FBN3: variants seen among roughly 807,000 people sequenced by gnomAD.
The protein encoded by FBN3 is fibrillin 3.
A neutral mutation model predicts 330.1 loss-of-function variants in FBN3; 234 were observed. That is an observed-to-expected ratio of 0.71 (90% CI 0.64 to 0.79). The LOEUF (loss-of-function observed/expected upper bound fraction) is 0.79, where lower values mean the gene tolerates loss of function less well. FBN3 is among the 30% of genes least tolerant of loss of function. The pLI is 0.00. For synonymous variants in FBN3, 1,458 were observed against 1,517.3 expected, an observed-to-expected ratio of 0.96 and a Z score of 0.91; for missense variants, 3,606 against 3,886.9, an observed-to-expected ratio of 0.93 and a Z score of 1.92.
At chr19:8,099,276 ATTTTTTTT>A (rs386388494) in intron 41 of FBN3, among the ~76,000 whole-genome samples, 1 of 98,880 alleles carries the variant, frequency 1.0e-5, no homozygotes, top group Non-Finnish European at 1.9e-5. Flanking sequence ...TCATGGTTTG[ATTTTTTTT>A]TTTTTTTTTT....
intron 16 of FBN3, among the ~76,000 whole-genome samples, chr19:8,130,659 GGAAAA>G (rs1294557631): frequency 2.7e-5 from 1 of 37,262 alleles, no homozygotes; most frequent in East Asian, 1.2e-3. Flanking sequence ...GGAAAGGAAA[GGAAAA>G]GAAAAGAAAA....
intron 16 of FBN3, among the ~76,000 whole-genome samples, chr19:8,130,834 C>A (rs189126478): frequency 1.7e-3 from 256 of 151,150 alleles, no homozygotes; most frequent in African/African-American, 6.0e-3. Flanking sequence ...CGAGCCTGGG[C>A]AATAGAGTGA....
At position 8,109,852 on chromosome 19, in the gene FBN3, A is replaced by G; in HGVS notation, c.4334-99T>C. ...AAGCTACAGCCCTCGCTCAAGGTCAACTCCTGGGCACCAGATTGTGGGACA... is the reference window on the plus strand; with the variant it reads ...AAGCTACAGCCCTCGCTCAAGGTCAGCTCCTGGGCACCAGATTGTGGGACA... On this transcript the variant is annotated intron_variant, in intron 34 of 63. Coordinates refer to ENST00000600128, the MANE Select transcript of FBN3 (RefSeq NM_032447.5). This position sits in a 1 kb window ranked among gnomAD's most constrained non-coding sequence, Gnocchi z 5.2. The G allele has an allele frequency of 5.5e-6, 7 of 1,276,864 alleles. No homozygotes were observed. Among genetic ancestry groups the G allele is most frequent in the Non-Finnish European group, 7.2e-6 (7 of 966,062 alleles). The allele number at this position is 1,276,864 out of a possible 1,614,324, so 79.1% of individuals were successfully genotyped here. A position where few individuals can be genotyped will look rare whatever the true frequency, so the allele number is the denominator to read the frequency against.
chr19:8,135,352 A>G (rs1159011665), intron 13 of FBN3, among the ~76,000 whole-genome samples: 3 of 151,308 alleles, frequency 2.0e-5, no homozygotes, highest in African/African-American at 4.9e-5. Context: ...ATCTTGGCTC[A>G]TTGCAGCCTC....
Position 8,072,717 on chromosome 19 carries a change from C to T in FBN3, c.7937+346G>A, listed in dbSNP as rs920971201. Among the ~76,000 whole-genome samples the T allele has an allele frequency of 7.8e-5, 10 of 127,982 alleles. No homozygotes were observed. The South Asian group carries it at 1.1e-3, about 14-fold the overall frequency. 84.0% of individuals were successfully genotyped at this position (127,982 alleles called of 152,430 possible). ...CTGAGTGCACACTGGGACATGCGCG[C>T]GTGCACACACACACACACACACACA... On this transcript the variant is annotated intron_variant, in intron 62 of 63. Transcript: ENST00000600128.
chr19:8,126,856 G>A, intron 18 of FBN3, 24 bp from the exon 19 acceptor site: 1 of 1,522,538 alleles, frequency 6.6e-7, no homozygotes, highest in Non-Finnish European at 8.8e-7. Context: ...CCCCCACCAG[G>A]TCCTGAGCTG....
intron 30 of FBN3, among the ~76,000 whole-genome samples, chr19:8,114,680 CT>C (rs1185923282): frequency 1.3e-5 from 2 of 152,106 alleles, no homozygotes. Flanking sequence ...CTGCTTTGGC[CT>C]CCCAAAGTGC....
rs746743543 is a variant in FBN3 at position 8,102,839 on chromosome 19, G to A, written c.4974C>T (p.Asn1658=). 9.3e-6 allele frequency: 15 copies of A among 1,613,984 alleles called. No homozygotes were observed. The highest frequency in any genetic ancestry group is 8.3e-5 in the Admixed American group (5 of 59,986). ...AGGCCAGCTCATTTTGACATGTGCC[G>A]TTATAGTGCCGGAAGCAGACACTCT... is the stretch of plus-strand genomic sequence containing the variant. ...MRKSVCFRHY[N]GTCQNELAFN... is the part of the protein sequence containing the mutation. The change falls in exon 40 of 64, where the codon AAC becomes AAT. Residue 1658 remains asparagine, a synonymous_variant. Coordinates refer to ENST00000600128, the MANE Select transcript of FBN3 (RefSeq NM_032447.5).
At position 8,136,474 on chromosome 19, in the gene FBN3, A is replaced by G; in HGVS notation, c.1259T>C (p.Leu420Pro). The change falls in exon 11 of 64, where the codon CTG (leucine) becomes CCG (proline). Residue 420 changes from leucine (L) to proline (P), a missense_variant. Coordinates refer to ENST00000600128, the MANE Select transcript of FBN3 (RefSeq NM_032447.5). Reference sequence around the variant, plus strand: ...AGGCGTGGGCAGGCAGCGGCCATTCAGACACAGGTTGGTGAAGTGTCGGCA... The same window carrying G: ...AGGCGTGGGCAGGCAGCGGCCATTCGGACACAGGTTGGTGAAGTGTCGGCA... ...DICRHFTNLC[L>P]NGRCLPTPSS... 6.2e-7 allele frequency: 1 copy of G among 1,614,196 alleles called. No individual in the cohort carries two copies. Among genetic ancestry groups the G allele is most frequent in the Non-Finnish European group, 8.5e-7 (1 of 1,180,006 alleles).
Position 8,087,114 on chromosome 19 carries a change from G to A in FBN3, c.6717C>T (p.Gly2239=), listed in dbSNP as rs1185195872. ...CCCCAGAGCCAGGCAGGGGCCGCATGCCTGGGGGACAGACGCACGCGAAGG... is the reference window on the plus strand; with the variant it reads ...CCCCAGAGCCAGGCAGGGGCCGCATACCTGGGGGACAGACGCACGCGAAGG... ...IGTFACVCPP[G]MRPLPGSGEG... The change falls in exon 54 of 64, where the codon GGC becomes GGT. Residue 2239 remains glycine, a synonymous_variant. Coordinates refer to ENST00000600128, the MANE Select transcript of FBN3 (RefSeq NM_032447.5). 6.2e-7 allele frequency: 1 copy of A among 1,610,756 alleles called. No homozygotes were observed.
rs757004260 is a variant in FBN3 at position 8,126,757 on chromosome 19, C to CA, written c.2371dup (p.Cys791LeufsTer32). Reference sequence around the variant, plus strand: ...GGGGTCCAGCCGGCTGCCAGGGCCACATTTGCAGGTGTAGGAGCCGGCCAG... The same window carrying CA: ...GGGGTCCAGCCGGCTGCCAGGGCCACAATTTGCAGGTGTAGGAGCCGGCCAG... On this transcript the variant is annotated frameshift_variant, in exon 19 of 64. Coordinates refer to ENST00000600128, the MANE Select transcript of FBN3 (RefSeq NM_032447.5). LOFTEE classifies it high-confidence loss of function. The CA allele has an allele frequency of 3.8e-6, 6 of 1,593,326 alleles. No homozygotes were observed. In the Admixed American group the frequency reaches 1.1e-4, roughly 29 times the overall value.
At chr19:8,107,547 G>A (rs2082472471) in intron 37 of FBN3, among the ~76,000 whole-genome samples, 1 of 150,834 alleles carries the variant, frequency 6.6e-6, no homozygotes, top group Non-Finnish European at 1.5e-5. Context: ...ATGGATGGAT[G>A]GTCGGGTGGA....
At chr19:8,124,085 C>T (rs999091830) in intron 22 of FBN3, 77 bp from the exon 23 acceptor site, 10 of 1,272,392 alleles carry the variant, frequency 7.9e-6, no homozygotes, top group African/African-American at 3.0e-5. Flanking sequence ...CGCTCAGTCA[C>T]TCCCATCGGA....
chr19:8,087,962 G>A lies in FBN3; in HGVS notation c.6497-15C>T. ...TTCGTCGATGTCTGGGGAGGCCAGT[G>A]GAGGTGCCAGCTGGGTAGGGACTGA... On this transcript the variant is annotated splice_polypyrimidine_tract_variant and intron_variant, in intron 52 of 63. Transcript: ENST00000600128. 1.2e-6 allele frequency: 2 copies of A among 1,614,126 alleles called. No homozygotes were observed. The highest frequency in any genetic ancestry group is 2.2e-5 in the East Asian group (1 of 44,880).
chr19:8,130,631 A>AGGAAGGAAGG (rs752885365), intron 16 of FBN3, among the ~76,000 whole-genome samples: 1 of 15,858 alleles, frequency 6.3e-5, no homozygotes, highest in Non-Finnish European at 1.2e-4. Context: ...AAAGAAAGAA[A>AGGAAGGAAGG]GAAAGAAAGA....
chr19:8,115,691 G>A lies in FBN3; in HGVS notation c.3713-51C>T, dbSNP rs775688214. The stretch of plus-strand genomic sequence containing the variant: ...TGAGGACTGGGTGCAGGGGTGACAG[G>A]AGAGGAAGTAGGTGAGGGTGGGAGG... On this transcript the variant is annotated intron_variant, in intron 29 of 63. Coordinates refer to ENST00000600128, the MANE Select transcript of FBN3 (RefSeq NM_032447.5). The A allele has an allele frequency of 7.5e-6, 12 of 1,601,318 alleles. No homozygotes were observed. The Admixed American group carries it at 8.4e-5, about 11-fold the overall frequency.
chr19:8,125,423 G>GAA lies in FBN3; in HGVS notation c.2731+467_2731+468dup, dbSNP rs113707871. ...AGTGAGACCCTGTCTCAAGAAAAAA[G>GAA]AAAAAAAAACCCACCCAAATGTCTT... is the stretch of plus-strand genomic sequence containing the variant. On this transcript the variant is annotated intron_variant, in intron 22 of 63. Coordinates refer to ENST00000600128, the MANE Select transcript of FBN3 (RefSeq NM_032447.5). 8.2e-5 allele frequency among the ~76,000 whole-genome samples: 12 copies of GAA among 146,662 alleles called. No individual in the cohort carries two copies. The East Asian group carries it at 1.0e-3, about 13-fold the overall frequency.
At chr19:8,144,846 T>C (rs1438955394) in intron 6 of FBN3, 31 bp downstream of exon 6, 3 of 1,544,556 alleles carry the variant, frequency 1.9e-6, no homozygotes, top group Non-Finnish European at 2.6e-6. Flanking sequence ...TCGAGTCCCC[T>C]GTCTACCTCC....
chr19:8,135,936 G>GGGGGGGGGGCCCCCCCCCCCCC, intron 13 of FBN3, 25 bp downstream of exon 13: 4 of 668,766 alleles, frequency 6.0e-6, no homozygotes, highest in Non-Finnish European at 9.6e-6. Context: ...GGAAGCCCCT[G>GGGGGGGGGGCCCCCCCCCCCCC]CCCACCCGCC....
Sources: gnomAD v4.1 joint callset for allele counts (sites outside exome capture counted in the v4.1 genomes callset) on GRCh38, gnomAD v4.1.1 for gene constraint, Gnocchi (gnomAD v3.1) non-coding constraint, MANE v1.5 for transcripts, NCBI Gene and HGNC (gene_info 2026-07-23, HGNC 2026-07-21) for gene names.